The following SLC51A variants were observed in gnomAD, a reference collection of about 807,000 sequenced individuals.
SLC51A encodes the protein organic solute transporter subunit alpha.
In SLC51A, 22 loss-of-function variants were observed where a neutral mutation model predicts 34.8. That is an observed-to-expected ratio of 0.63 (90% CI 0.45 to 0.90). SLC51A has a LOEUF of 0.90. Among genes scored for constraint, SLC51A ranks in the 40% least tolerant of loss-of-function variants. SLC51A has a pLI of 0.00. For missense variants in SLC51A, 371 were observed against 414.8 expected (o/e 0.89, Z 0.92); for synonymous variants, 181 against 176.3 (o/e 1.03, Z -0.21).
rs1577347523 is a variant in SLC51A, at chr3:196,228,203, A to C, written c.451A>C (p.Thr151Pro). The C allele has an allele frequency of 6.2e-7, 1 of 1,613,818 alleles. No individual in the cohort carries two copies. Among genetic ancestry groups the C allele is most frequent in the South Asian group, 1.1e-5 (1 of 91,062 alleles). ...GGCAGTGCTGAGGACGCTGAGGGACACCCCGATGATGGTCCACACAGGCCC... is the reference window on the plus strand; with the variant it reads ...GGCAGTGCTGAGGACGCTGAGGGACCCCCCGATGATGGTCCACACAGGCCC... ...KEAVLRTLRD[T>P]PMMVHTGPCC... Residue 151 changes from threonine to proline, a missense_variant, in exon 5 of 9, where the codon ACC (threonine) becomes CCC (proline). By Grantham distance (38) the Thr-to-Pro change is conservative. Coordinates refer to ENST00000296327, the MANE Select transcript of SLC51A (RefSeq NM_152672.6). The surrounding 1 kb of genome is among the most constrained non-coding windows in gnomAD (Gnocchi z 4.9).
rs1175709652 is a variant in SLC51A at position 196,219,846 on chromosome 3, A to G, written c.133+1910A>G. 5.3e-5 allele frequency among the ~76,000 whole-genome samples: 8 copies of G among 152,380 alleles called. No individual in the cohort carries two copies. The East Asian group carries it at 5.8e-4, about 11-fold the overall frequency. On this transcript the variant is annotated intron_variant, in intron 2 of 8. Transcript: ENST00000296327. ...AAAGATTATTCAGGCCAAAGTGTCA[A>G]TAGTGCTCAGGTTGAGAAACCTTGC...
chr3:196,224,676 A>T (rs1723849827), intron 2 of SLC51A, among the ~76,000 whole-genome samples: 1 of 125,002 alleles, frequency 8.0e-6, no homozygotes, highest in African/African-American at 3.0e-5. Context: ...AACTTCGTTG[A>T]AAGAAGAGAA....
chr3:196,227,518 T>C, intron 3 of SLC51A, 146 bp from the exon 4 acceptor site: 1 of 703,160 alleles, frequency 1.4e-6, no homozygotes, highest in Non-Finnish European at 2.5e-6. Flanking sequence ...TTTGCTTGAC[T>C]TAATTAGTGC....
Position 196,223,468 on chromosome 3 carries a change from A to T in SLC51A, c.134-3497A>T, listed in dbSNP as rs760234312. 7.8e-4 allele frequency among the ~76,000 whole-genome samples: 118 copies of T among 151,722 alleles called. 4 individuals carry two copies. The highest frequency in any genetic ancestry group is 1.6e-3 in the Non-Finnish European group (107 of 67,822). On this transcript the variant is annotated intron_variant, in intron 2 of 8. Transcript: ENST00000296327. The stretch of plus-strand genomic sequence containing the variant: ...AACGTTACCCGGAATGGAGATTTTC[A>T]CGGAGCAGGGAGCAGTTAGGGAAAT...
In SLC51A at chr3:196,233,208, G is replaced by T; in HGVS notation, c.*9G>T. 1.9e-6 allele frequency: 3 copies of T among 1,614,016 alleles called. No individual in the cohort carries two copies. Among genetic ancestry groups the T allele is most frequent in the Non-Finnish European group, 2.5e-6 (3 of 1,179,950 alleles). ...TGAACCTCAAAGCCTAAGGTGGATG[G>T]CTTGGACAATGAAAGGATGCTGTAC... On this transcript the variant is annotated 3_prime_UTR_variant, in exon 9 of 9. Coordinates refer to ENST00000296327, the MANE Select transcript of SLC51A (RefSeq NM_152672.6).
In SLC51A at chr3:196,233,401, AT is replaced by A; in HGVS notation, c.*203del. On this transcript the variant is annotated 3_prime_UTR_variant, in exon 9 of 9. Coordinates refer to ENST00000296327, the MANE Select transcript of SLC51A (RefSeq NM_152672.6). Reference sequence around the variant, plus strand: ...CCTGGAAGGTGTTTTAAGTTTTGTAATAAACAAGATGATGTCTGAAAATGTG... The same window carrying A: ...CCTGGAAGGTGTTTTAAGTTTTGTAAAAACAAGATGATGTCTGAAAATGTG... The A allele has an allele frequency of 6.9e-6, 4 of 576,434 alleles. No homozygotes were observed. The Admixed American group carries it at 1.3e-4, about 19-fold the overall frequency. 35.7% of individuals were successfully genotyped at this position (576,434 alleles called of 1,614,324 possible).
chr3:196,221,892 T>C (rs578242561), intron 2 of SLC51A, among the ~76,000 whole-genome samples: 19 of 151,632 alleles, frequency 1.3e-4, no homozygotes, highest in Non-Finnish European at 2.7e-4. Context: ...ATTTTTTGTA[T>C]ATTTTTTAGT....
At chr3:196,225,014 T>C (rs1286851813) in intron 2 of SLC51A, among the ~76,000 whole-genome samples, 1 of 151,256 alleles carries the variant, frequency 6.6e-6, no homozygotes, top group Non-Finnish European at 1.5e-5. Flanking sequence ...TTCAGTATTA[T>C]AGGTATTTTC....
In SLC51A at chr3:196,228,031, C is replaced by G; in HGVS notation, c.363-84C>G. 1 of 1,547,148 alleles carries G rather than the reference C, an allele frequency of 6.5e-7. No homozygotes were observed. Among genetic ancestry groups the G allele is most frequent in the East Asian group, 2.3e-5 (1 of 44,332 alleles). Reference sequence around the variant, plus strand: ...ACACCCAGAACGCCCAGCCCTAGCTCTGCTCCTCAGTAAGCCCCACCTCTC... The same window carrying G: ...ACACCCAGAACGCCCAGCCCTAGCTGTGCTCCTCAGTAAGCCCCACCTCTC... On this transcript the variant is annotated intron_variant, in intron 4 of 8. Transcript: ENST00000296327. This position sits in a 1 kb window ranked among gnomAD's most constrained non-coding sequence, Gnocchi z 4.9.
intron 2 of SLC51A, among the ~76,000 whole-genome samples, chr3:196,225,046 A>C: frequency 7.1e-6 from 1 of 140,880 alleles, no homozygotes; most frequent in Non-Finnish European, 1.5e-5. Flanking sequence ...TTTTTCACCC[A>C]GGCTGGAGTG....
chr3:196,223,543 G>A (rs552630007), intron 2 of SLC51A, among the ~76,000 whole-genome samples: 66 of 151,814 alleles, frequency 4.3e-4, no homozygotes, highest in African/African-American at 1.6e-3. Context: ...CAGTTTTTAC[G>A]CTCTCCAAGG....
At chr3:196,232,291 T>G in intron 7 of SLC51A, 128 bp from the exon 8 acceptor site, 1 of 658,688 alleles carries the variant, frequency 1.5e-6, no homozygotes, top group Non-Finnish European at 2.7e-6. Flanking sequence ...CAACCCTCTG[T>G]GACTGCACAG....
chr3:196,232,643 G>T, intron 8 of SLC51A, 119 bp downstream of exon 8: 1 of 728,384 alleles, frequency 1.4e-6, no homozygotes. Flanking sequence ...TGTTCAGAAG[G>T]GATCTTCGGG....
At chr3:196,232,625 G>A in intron 8 of SLC51A, 101 bp downstream of exon 8, 1 of 859,062 alleles carries the variant, frequency 1.2e-6, no homozygotes, top group South Asian at 1.4e-5. Context: ...CCTGACTTCT[G>A]CTCAGAGTGT....
At position 196,229,378 on chromosome 3, in the gene SLC51A, CT is replaced by C. The variant is rs35341874; in HGVS notation, c.633+475del. 1.2e-3 allele frequency among the ~76,000 whole-genome samples: 159 copies of C among 130,886 alleles called. 1 individual carries two copies. Among genetic ancestry groups the C allele is most frequent in the Admixed American group, 4.2e-3 (53 of 12,676 alleles). 85.9% of individuals were successfully genotyped at this position (130,886 alleles called of 152,430 possible). A position where few individuals can be genotyped will look rare whatever the true frequency, so the allele number is the denominator to read the frequency against. ...TGGGCAACATAGTGAGATACCATCT[CT>C]TTTTTTTTTTTTTTTTGAGACGGAG... is the stretch of plus-strand genomic sequence containing the variant. On this transcript the variant is annotated intron_variant, in intron 6 of 8. Transcript: ENST00000296327.
chr3:196,232,568 C>T (rs759099146), intron 8 of SLC51A, 44 bp downstream of exon 8: 39 of 1,498,392 alleles, frequency 2.6e-5, no homozygotes, highest in Middle Eastern at 1.7e-4. Context: ...ATGGATGAGA[C>T]GGGGAGAGTC....
At chr3:196,232,888 C>T (rs1268038636) in intron 8 of SLC51A, 175 bp from the exon 9 acceptor site, 9 of 670,698 alleles carry the variant, frequency 1.3e-5, no homozygotes, top group Non-Finnish European at 2.0e-5. Context: ...AGCCAACTTC[C>T]GGTTCTGGCT....
At chr3:196,231,785 G>A (rs938503994) in intron 7 of SLC51A, among the ~76,000 whole-genome samples, 4 of 152,140 alleles carry the variant, frequency 2.6e-5, no homozygotes, top group African/African-American at 9.7e-5. Context: ...TAAGATAAAT[G>A]GTGCTTCCAG....
At position 196,232,650 on chromosome 3, in the gene SLC51A, C is replaced by T. The variant is rs754773003; in HGVS notation, c.886+126C>T. The stretch of plus-strand genomic sequence containing the variant: ...GCTCAGAGTGTTCAGAAGGGATCTT[C>T]GGGAAATCCCAACAGAGGCTTTAAG... On this transcript the variant is annotated intron_variant, in intron 8 of 8. Coordinates refer to ENST00000296327, the MANE Select transcript of SLC51A (RefSeq NM_152672.6). 18 of 707,902 alleles carry T rather than the reference C, an allele frequency of 2.5e-5. 1 individual carries two copies. The highest frequency in any genetic ancestry group is 1.8e-4 in the South Asian group (11 of 61,046). The allele number at this position is 707,902 out of a possible 1,614,324, so 43.9% of individuals were successfully genotyped here.
Sources: allele counts gnomAD v4.1 joint callset (sites outside exome capture counted in the v4.1 genomes callset), GRCh38; gene constraint gnomAD v4.1.1; non-coding constraint Gnocchi (gnomAD v3.1); transcripts MANE v1.5; gene names NCBI Gene and HGNC (gene_info 2026-07-23, HGNC 2026-07-21).